ADARB1: variants seen among roughly 807,000 people sequenced by gnomAD.
The protein encoded by ADARB1 is adenosine deaminase RNA specific B1.
In ADARB1, 10 loss-of-function variants were observed where a neutral mutation model predicts 52.4. The ratio of observed to expected loss-of-function variants is 0.19; its 90% CI spans 0.12 to 0.32. The LOEUF is 0.32. Among genes scored for constraint, ADARB1 ranks in the 10% least tolerant of loss-of-function variants. The pLI, the probability that ADARB1 is intolerant of heterozygous loss-of-function variation, is 1.00. For synonymous variants in ADARB1, 349 were observed against 371.1 expected, an observed-to-expected ratio of 0.94 and a Z score of 0.68; for missense variants, 643 against 922.3, an observed-to-expected ratio of 0.70 and a Z score of 3.92.
chr21:45,148,599 G>A (rs549865249), intron 2 of ADARB1, among the ~76,000 whole-genome samples: 3 of 152,300 alleles, frequency 2.0e-5, no homozygotes, highest in East Asian at 3.9e-4. Flanking sequence ...TGGAGGAGTC[G>A]GTTTGTGAAA....
intron 2 of ADARB1, among the ~76,000 whole-genome samples, chr21:45,165,223 A>G (rs1448342496): frequency 6.6e-6 from 1 of 151,046 alleles, no homozygotes; most frequent in Non-Finnish European, 1.5e-5. Flanking sequence ...TGACTGGACC[A>G]CTGAGGTGTT....
At chr21:45,117,203 T>TCCTTGG (rs1002823454) in intron 1 of ADARB1, among the ~76,000 whole-genome samples, 1 of 152,218 alleles carries the variant, frequency 6.6e-6, no homozygotes, top group Non-Finnish European at 1.5e-5. Flanking sequence ...CTTCCCAGCC[T>TCCTTGG]CCTTCTCCAG....
In ADARB1 at chr21:45,176,360, C is replaced by T; in HGVS notation, c.659C>T (p.Pro220Leu). ...CCGGTGCCTGCCAGCCTAGCCCAGC[C>T]TCCTCTCCCTGTCTTACCACCATTC... ...ASPVPASLAQPPLPVLPPFPP... is the reference protein window; with the variant it reads ...ASPVPASLAQLPLPVLPPFPP... The change falls in exon 4 of 11, where the codon CCT becomes CTT. Residue 220 changes from proline (P) to leucine (L), a missense_variant. Physicochemically the swap from Pro to Leu is moderately conservative, Grantham distance 98 (BLOSUM62 -3). Around this residue, in one of 2 missense-constraint regions of ADARB1, gnomAD observed 380 missense variants for 446.5 expected, o/e 0.85. Coordinates refer to ENST00000348831, the MANE Select transcript of ADARB1 (RefSeq NM_001112.4). The surrounding 1 kb of genome is among the most constrained non-coding windows in gnomAD (Gnocchi z 5.8). 6.2e-7 allele frequency: 1 copy of T among 1,614,192 alleles called. No individual in the cohort carries two copies. Among genetic ancestry groups the T allele is most frequent in the Non-Finnish European group, 8.5e-7 (1 of 1,180,034 alleles).
At chr21:45,132,742 A>G (rs2145848134) in intron 2 of ADARB1, among the ~76,000 whole-genome samples, 1 of 152,322 alleles carries the variant, frequency 6.6e-6, no homozygotes, top group Non-Finnish European at 1.5e-5. Context: ...CTATGCAGTA[A>G]ACTCCATTGT....
At chr21:45,168,018 C>T (rs1333495383) in intron 2 of ADARB1, among the ~76,000 whole-genome samples, 1 of 152,020 alleles carries the variant, frequency 6.6e-6, no homozygotes, top group Non-Finnish European at 1.5e-5. Flanking sequence ...ATCTTTAAAG[C>T]AACACTATGT....
At chr21:45,165,381 CTTATT>C (rs1487534761) in intron 2 of ADARB1, among the ~76,000 whole-genome samples, 2 of 152,122 alleles carry the variant, frequency 1.3e-5, no homozygotes, top group Non-Finnish European at 2.9e-5. Context: ...CATTATTATT[CTTATT>C]TTAATTATCT....
intron 1 of ADARB1, among the ~76,000 whole-genome samples, chr21:45,107,613 A>G (rs776260682): frequency 1.9e-4 from 29 of 152,236 alleles, no homozygotes; most frequent in Non-Finnish European, 3.8e-4. Context: ...GTTAGAGTCA[A>G]CGTTCTTGGG....
chr21:45,159,530 T>G (rs1439006143), intron 2 of ADARB1, among the ~76,000 whole-genome samples: 1 of 152,166 alleles, frequency 6.6e-6, no homozygotes, highest in African/African-American at 2.4e-5. Context: ...GATTTAGAAG[T>G]GTTTAAGGCT....
intron 1 of ADARB1, among the ~76,000 whole-genome samples, chr21:45,083,698 C>G (rs542270933): frequency 1.4e-4 from 21 of 152,244 alleles, no homozygotes; most frequent in Non-Finnish European, 2.4e-4. Context: ...AATTACACAT[C>G]TTTTTTGTTT....
chr21:45,139,551 C>T (rs1343648254), intron 2 of ADARB1, among the ~76,000 whole-genome samples: 1 of 152,140 alleles, frequency 6.6e-6, no homozygotes, highest in African/African-American at 2.4e-5. Context: ...TTGGATCCAG[C>T]GGTCGAGCAA....
At chr21:45,131,948 G>T (rs1042412057) in intron 2 of ADARB1, among the ~76,000 whole-genome samples, 1 of 152,232 alleles carries the variant, frequency 6.6e-6, no homozygotes, top group African/African-American at 2.4e-5. Flanking sequence ...CTCGAGATGG[G>T]CAGTCCGGGT....
rs1569198626 is a variant in ADARB1, at chr21:45,225,530, C to G, written c.*3333C>G. On this transcript the variant is annotated 3_prime_UTR_variant, in exon 11 of 11. Transcript: ENST00000348831. ...TTTCTTTGTGAAGACAGTGTCTCTCCTTGTAATCTCACACAGGTACACTGA... is the reference window on the plus strand; with the variant it reads ...TTTCTTTGTGAAGACAGTGTCTCTCGTTGTAATCTCACACAGGTACACTGA... 15 of 1,332,800 alleles carry G rather than the reference C, an allele frequency of 1.1e-5. No individual in the cohort carries two copies. Among genetic ancestry groups the G allele is most frequent in the Non-Finnish European group, 1.5e-5 (15 of 1,030,264 alleles). 82.6% of individuals were successfully genotyped at this position (1,332,800 alleles called of 1,614,324 possible).
chr21:45,088,057 C>T (rs896711577), intron 1 of ADARB1, among the ~76,000 whole-genome samples: 12 of 152,134 alleles, frequency 7.9e-5, no homozygotes, highest in African/African-American at 1.4e-4. Context: ...AGAGGGAGGC[C>T]GTGCTGTTGG....
intron 2 of ADARB1, among the ~76,000 whole-genome samples, chr21:45,159,053 C>A (rs1050180313): frequency 6.6e-6 from 1 of 152,048 alleles, no homozygotes; most frequent in Non-Finnish European, 1.5e-5. Flanking sequence ...AACATAGATA[C>A]AAAATAAACT....
intron 1 of ADARB1, among the ~76,000 whole-genome samples, chr21:45,105,588 T>C (rs1421822971): frequency 1.3e-5 from 2 of 152,242 alleles, no homozygotes; most frequent in African/African-American, 4.8e-5. Context: ...AAGAGAAAAC[T>C]CGTAAGTGCC....
chr21:45,122,147 T>C (rs1414277672), intron 1 of ADARB1, among the ~76,000 whole-genome samples: 1 of 152,246 alleles, frequency 6.6e-6, no homozygotes, highest in Non-Finnish European at 1.5e-5. Flanking sequence ...TGTGTTTAAC[T>C]GCACACGCGT....
At chr21:45,116,719 C>T (rs532112578) in intron 1 of ADARB1, among the ~76,000 whole-genome samples, 3 of 152,276 alleles carry the variant, frequency 2.0e-5, no homozygotes, top group Admixed American at 2.0e-4. Context: ...GGAAAAGCCC[C>T]TTACAAAGCC....
intron 1 of ADARB1, among the ~76,000 whole-genome samples, chr21:45,094,100 A>G (rs1569000748): frequency 1.3e-5 from 2 of 152,168 alleles, no homozygotes; most frequent in South Asian, 4.1e-4. Flanking sequence ...CTCTTTCATA[A>G]GATGGTTTTT....
chr21:45,099,825 G>A (rs2086923649), intron 1 of ADARB1, among the ~76,000 whole-genome samples: 1 of 152,124 alleles, frequency 6.6e-6, no homozygotes, highest in Non-Finnish European at 1.5e-5. Context: ...TCTTGGGCTG[G>A]CACGTCTTGG....
Sources: allele counts gnomAD v4.1 joint callset (sites outside exome capture counted in the v4.1 genomes callset), GRCh38; gene constraint gnomAD v4.1.1; regional missense constraint gnomAD v4.1.1; non-coding constraint Gnocchi (gnomAD v3.1); transcripts MANE v1.5; gene names NCBI Gene and HGNC (gene_info 2026-07-23, HGNC 2026-07-21).